C11orf65: variants seen among roughly 807,000 people sequenced by gnomAD.
C11orf65 encodes the protein chromosome 11 open reading frame 65, also known as protein MFI.
C11orf65 carries 38 observed loss-of-function variants against 35.3 expected under a neutral mutation model. That is an observed-to-expected ratio of 1.08 (90% confidence interval 0.83 to 1.41). The LOEUF (loss-of-function observed/expected upper bound fraction) is 1.41, where lower values mean the gene tolerates loss of function less well. Ranked by LOEUF, C11orf65 falls within the 40% of genes most tolerant of loss-of-function variation. C11orf65 has a pLI of 0.00. For synonymous variants in C11orf65, 105 were observed against 114.4 expected, an observed-to-expected ratio of 0.92 and a Z score of 0.53; for missense variants, 370 against 367.1, an observed-to-expected ratio of 1.01 and a Z score of -0.06.
At chr11:108,374,136 G>A (rs534886314) in intron 2 of C11orf65, among the ~76,000 whole-genome samples, 4 of 152,176 alleles carry the variant, frequency 2.6e-5, no homozygotes, top group Non-Finnish European at 4.4e-5. Flanking sequence ...GGAGAGCAGT[G>A]GTTCTCCCAG....
chr11:108,410,993 G>A (rs977021611), intron 3 of C11orf65, among the ~76,000 whole-genome samples: 2 of 152,034 alleles, frequency 1.3e-5, no homozygotes, highest in African/African-American at 4.8e-5. Flanking sequence ...ACAGGCATGA[G>A]CCACCATGCC....
intron 6 of C11orf65, among the ~76,000 whole-genome samples, chr11:108,396,595 G>C (rs954969006): frequency 6.6e-6 from 1 of 151,708 alleles, no homozygotes; most frequent in Admixed American, 6.6e-5. Context: ...ACTTTGGGAG[G>C]CCAAGGCGGG....
rs1060504307 is a variant in C11orf65, at chr11:108,335,886, C to T, written c.227-594G>A. 1.2e-6 allele frequency: 2 copies of T among 1,613,842 alleles called. No individual in the cohort carries two copies. The highest frequency in any genetic ancestry group is 2.7e-5 in the African/African-American group (2 of 74,882). Reference sequence around the variant, plus strand: ...GACAAGATGCTGTCATGCAACAGGTCTTCCAGATGTGTAATACATTACTGC... The same window carrying T: ...GACAAGATGCTGTCATGCAACAGGTTTTCCAGATGTGTAATACATTACTGC... On this transcript the variant is annotated intron_variant, in intron 2 of 3. Transcript: ENST00000524755.
At chr11:108,373,041 T>C (rs1233132211) in intron 2 of C11orf65, among the ~76,000 whole-genome samples, 9 of 151,838 alleles carry the variant, frequency 5.9e-5, no homozygotes. Context: ...GACGTGCCAC[T>C]GCACTCCAGC....
chr11:108,380,346 G>C (rs1421451250), downstream of C11orf65, among the ~76,000 whole-genome samples: 1 of 152,164 alleles, frequency 6.6e-6, no homozygotes, highest in Admixed American at 6.5e-5. Flanking sequence ...ATGGATTCTT[G>C]GGCAGTGGCA....
intron 3 of C11orf65, among the ~76,000 whole-genome samples, chr11:108,423,924 A>C (rs1437638364): frequency 1.3e-5 from 2 of 152,222 alleles, no homozygotes; most frequent in Non-Finnish European, 1.5e-5. Context: ...CAAAGACCAA[A>C]GGTAGAGAAA....
In C11orf65 at chr11:108,365,386, C is replaced by T. The variant is rs876658991; in HGVS notation, c.226+27822G>A. 6.8e-6 allele frequency: 11 copies of T among 1,613,996 alleles called. No individual in the cohort carries two copies. Among genetic ancestry groups the T allele is most frequent in the Non-Finnish European group, 9.3e-6 (11 of 1,180,040 alleles). On this transcript the variant is annotated intron_variant, in intron 2 of 3. Coordinates refer to the C11orf65 transcript ENST00000524755. ...TGTCTTAATGAGACTACAAGAGAAA[C>T]TGAAAGGAGTGGAAGAAGGCACTGT...
chr11:108,397,505 GGAA>G lies in C11orf65; in HGVS notation c.561-4130_561-4128del, dbSNP rs199755203. Reference sequence around the variant, plus strand: ...GAGAAGTTAAAACAACAAAGACCTAGGAAGAATCAAAGCTTAAGTTGCAAAGGA... The same window carrying G: ...GAGAAGTTAAAACAACAAAGACCTAGGAATCAAAGCTTAAGTTGCAAAGGA... On this transcript the variant is annotated intron_variant, in intron 6 of 8. Coordinates refer to ENST00000393084, the MANE Select transcript of C11orf65 (RefSeq NM_152587.5). Among the ~76,000 whole-genome samples, 918 of 152,176 alleles carry G rather than the reference GGAA, an allele frequency of 6.0e-3. 6 individuals carry two copies. Among genetic ancestry groups the G allele is most frequent in the East Asian group, 0.011 (55 of 5,184 alleles).
intron 6 of C11orf65, among the ~76,000 whole-genome samples, chr11:108,394,337 AG>A (rs1268659728): frequency 4.6e-5 from 7 of 152,120 alleles, no homozygotes; most frequent in Non-Finnish European, 1.5e-5. Flanking sequence ...AGACTGAGTC[AG>A]GAAGATCATT....
chr11:108,312,558 G>T (rs1421587440), intron 6 of C11orf65: 17 of 1,227,918 alleles, frequency 1.4e-5, no homozygotes, highest in African/African-American at 3.0e-5. Context: ...GGGTTATTTT[G>T]TTATAGACAC....
At chr11:108,460,616 A>G (rs79890684) in intron 2 of C11orf65, among the ~76,000 whole-genome samples, 3,539 of 152,290 alleles carry the variant, frequency 0.023, 202 homozygotes, top group Admixed American at 0.12. Context: ...TATTAATGAT[A>G]CTTTCATTGA....
intron 3 of C11orf65, among the ~76,000 whole-genome samples, chr11:108,413,435 T>C (rs998758992): frequency 1.3e-5 from 2 of 152,178 alleles, no homozygotes; most frequent in African/African-American, 2.4e-5. Flanking sequence ...TGTGAGAACA[T>C]TTGATATATA....
At chr11:108,384,580 C>A (rs191416737) in intron 8 of C11orf65, among the ~76,000 whole-genome samples, 217 of 152,194 alleles carry the variant, frequency 1.4e-3, no homozygotes, top group African/African-American at 4.9e-3. Context: ...ACGAGTCCAG[C>A]CTGGGCAACA....
intron 7 of C11orf65, among the ~76,000 whole-genome samples, chr11:108,390,154 G>A (rs2092120177): frequency 6.6e-6 from 1 of 152,018 alleles, no homozygotes; most frequent in Non-Finnish European, 1.5e-5. Context: ...CTCCCTAGTA[G>A]CTGGGACTAC....
chr11:108,458,148 T>C (rs530124501), intron 2 of C11orf65, among the ~76,000 whole-genome samples: 1 of 152,238 alleles, frequency 6.6e-6, no homozygotes, highest in South Asian at 2.1e-4. Context: ...TTACTATTTT[T>C]GTTTTCTTCA....
At chr11:108,422,218 G>C (rs917348804) in intron 3 of C11orf65, among the ~76,000 whole-genome samples, 1 of 152,058 alleles carries the variant, frequency 6.6e-6, no homozygotes, top group Admixed American at 6.6e-5. Flanking sequence ...GTGAGCCACC[G>C]CGCCTGGCCG....
Position 108,326,138 on chromosome 11 carries a change from A to T in C11orf65, c.641-17067T>A, listed in dbSNP as rs200735689. Reference sequence around the variant, plus strand: ...TCTCTGAGTGGCAGCTGGAAGAAGCACAAGTATTCTGGGCAAAAAAGGAGC... The same window carrying T: ...TCTCTGAGTGGCAGCTGGAAGAAGCTCAAGTATTCTGGGCAAAAAAGGAGC... On this transcript the variant is annotated intron_variant, in intron 6 of 6. Coordinates refer to the C11orf65 transcript ENST00000525729. 6.1e-5 allele frequency: 99 copies of T among 1,614,064 alleles called. No homozygotes were observed. The highest frequency in any genetic ancestry group is 8.2e-5 in the Non-Finnish European group (97 of 1,180,024).
chr11:108,348,246 AAAAG>A (rs993914797), intron 2 of C11orf65, among the ~76,000 whole-genome samples: 2 of 151,884 alleles, frequency 1.3e-5, no homozygotes, highest in African/African-American at 2.4e-5. Context: ...AGTTTAATAT[AAAAG>A]AAAGAGAATA....
rs771382172 is a variant in C11orf65, at chr11:108,326,162, G to A, written c.641-17091C>T. The A allele has an allele frequency of 6.2e-7, 1 of 1,614,132 alleles. No individual in the cohort carries two copies. Among genetic ancestry groups the A allele is most frequent in the South Asian group, 1.1e-5 (1 of 91,092 alleles). On this transcript the variant is annotated intron_variant, in intron 6 of 6. Transcript: ENST00000525729. ...CACAAGTATTCTGGGCAAAAAAGGAGCAGAGTCTTGCCCTGAGTATTCTCA... is the reference window on the plus strand; with the variant it reads ...CACAAGTATTCTGGGCAAAAAAGGAACAGAGTCTTGCCCTGAGTATTCTCA...
Sources: allele counts gnomAD v4.1 joint callset (sites outside exome capture counted in the v4.1 genomes callset), GRCh38; gene constraint gnomAD v4.1.1; transcripts MANE v1.5; gene names NCBI Gene and HGNC (gene_info 2026-07-23, HGNC 2026-07-21).